LTBP1: variants seen among roughly 807,000 people sequenced by gnomAD.
LTBP1 encodes latent transforming growth factor beta binding protein 1.
LTBP1 carries 129 observed loss-of-function variants against 207.6 expected under a neutral mutation model. That is an observed-to-expected ratio of 0.62 (90% CI 0.54 to 0.72). The LOEUF is 0.72. Among genes scored for constraint, LTBP1 ranks in the 30% least tolerant of loss-of-function variants. The pLI is 0.00. For synonymous variants in LTBP1, 963 were observed against 833.7 expected, an observed-to-expected ratio of 1.16 and a Z score of -2.67; for missense variants, 2,281 against 2,217.2, an observed-to-expected ratio of 1.03 and a Z score of -0.58.
intron 2 of LTBP1, among the ~76,000 whole-genome samples, chr2:33,000,061 T>C (rs1685870798): frequency 7.4e-6 from 1 of 134,272 alleles, no homozygotes; most frequent in Non-Finnish European, 1.6e-5. Context: ...GGAATTTGCA[T>C]TGTTAACAAG....
chr2:33,254,447 A>G (rs942856240), intron 11 of LTBP1, among the ~76,000 whole-genome samples: 37 of 152,050 alleles, frequency 2.4e-4, no homozygotes, highest in African/African-American at 8.5e-4. Context: ...AGTACTATCA[A>G]TAAATTTGAA....
chr2:33,213,394 C>G (rs2090453135), intron 7 of LTBP1, among the ~76,000 whole-genome samples: 1 of 152,138 alleles, frequency 6.6e-6, no homozygotes, highest in Admixed American at 6.5e-5. Flanking sequence ...AAAACATCAC[C>G]TCAATCTGTG....
chr2:33,073,285 T>G (rs1307397339), intron 3 of LTBP1, among the ~76,000 whole-genome samples: 3 of 135,110 alleles, frequency 2.2e-5, no homozygotes, highest in East Asian at 2.0e-4. Context: ...GTGTTTTTTT[T>G]GTTTTTGTTT....
At chr2:32,951,680 T>G (rs1279627070) in intron 2 of LTBP1, among the ~76,000 whole-genome samples, 3 of 152,236 alleles carry the variant, frequency 2.0e-5, no homozygotes, top group African/African-American at 4.8e-5. Flanking sequence ...AAATCTTGCC[T>G]TCTTTATAGG....
intron 3 of LTBP1, among the ~76,000 whole-genome samples, chr2:33,046,405 A>G (rs1201691501): frequency 1.3e-5 from 2 of 152,008 alleles, no homozygotes; most frequent in African/African-American, 4.8e-5. Flanking sequence ...TGTTTATGTG[A>G]TGGATTACGT....
intron 26 of LTBP1, among the ~76,000 whole-genome samples, chr2:33,354,523 A>G (rs916188706): frequency 6.6e-6 from 1 of 152,190 alleles, no homozygotes; most frequent in Non-Finnish European, 1.5e-5. Flanking sequence ...TCCAGCGATG[A>G]CAATGAGAAG....
intron 15 of LTBP1, among the ~76,000 whole-genome samples, chr2:33,267,014 G>T (rs2093201618): frequency 6.6e-6 from 1 of 152,240 alleles, no homozygotes; most frequent in Non-Finnish European, 1.5e-5. Context: ...AGCCTCTTTG[G>T]TGCTGTGTGG....
chr2:32,987,399 T>G (rs1683760111), intron 2 of LTBP1, among the ~76,000 whole-genome samples: 2 of 152,056 alleles, frequency 1.3e-5, no homozygotes, highest in African/African-American at 2.4e-5. Flanking sequence ...TTGAGGGGGT[T>G]GCATCAGCTG....
rs557935474 is a variant in LTBP1, at chr2:33,351,491, A to G, written c.4000+3981A>G. ...ATAGAAAATTGGCAAATACAAAGGT[A>G]AATTTTTAAAAAGTCTCCTGCAGTA... On this transcript the variant is annotated intron_variant, in intron 26 of 33. Transcript: ENST00000404816. 3.2e-3 allele frequency among the ~76,000 whole-genome samples: 480 copies of G among 152,350 alleles called. 3 individuals carry two copies. Among genetic ancestry groups the G allele is most frequent in the African/African-American group, 0.011 (461 of 41,578 alleles).
Position 33,273,678 on chromosome 2 carries a change from C to T in LTBP1, c.2640C>T (p.Asn880=), listed in dbSNP as rs754157540. 5 of 1,608,178 alleles carry T rather than the reference C, an allele frequency of 3.1e-6. No individual in the cohort carries two copies. Among genetic ancestry groups the T allele is most frequent in the African/African-American group, 1.3e-5 (1 of 74,626 alleles). ...AAGAAATCAATGAATGTACTGTGAA[C>T]CCTGATATCTGTGGAGCAGGACACT... ...QVTEINECTV[N]PDICGAGHCI... is the part of the protein sequence containing the mutation. Residue 880 remains asparagine, a synonymous_variant, in exon 16 of 34, where the codon AAC becomes AAT. Transcript: ENST00000404816.
intron 3 of LTBP1, among the ~76,000 whole-genome samples, chr2:33,065,478 C>A (rs912775846): frequency 3.9e-5 from 6 of 152,018 alleles, no homozygotes; most frequent in Non-Finnish European, 5.9e-5. Flanking sequence ...TACTTGAGCT[C>A]AGGAGTTTGA....
intron 3 of LTBP1, among the ~76,000 whole-genome samples, chr2:33,021,880 T>C (rs1260217113): frequency 6.6e-6 from 1 of 152,184 alleles, no homozygotes; most frequent in African/African-American, 2.4e-5. Context: ...CTGAGTTGCA[T>C]TACAAGCAGC....
chr2:33,179,219 C>G (rs2086377457), intron 5 of LTBP1, among the ~76,000 whole-genome samples: 1 of 152,044 alleles, frequency 6.6e-6, no homozygotes, highest in African/African-American at 2.4e-5. Flanking sequence ...AGCTCATCAG[C>G]TATCATAAGT....
chr2:33,037,503 C>T (rs920043450), intron 3 of LTBP1, among the ~76,000 whole-genome samples: 1 of 152,016 alleles, frequency 6.6e-6, no homozygotes, highest in Non-Finnish European at 1.5e-5. Context: ...TGTATGTTGT[C>T]TTATTATTTA....
At chr2:33,375,289 A>G (rs1258970936) in intron 31 of LTBP1, among the ~76,000 whole-genome samples, 1 of 152,216 alleles carries the variant, frequency 6.6e-6, no homozygotes, top group Non-Finnish European at 1.5e-5. Flanking sequence ...CTAGGAAATG[A>G]GTCAACGTTC....
intron 21 of LTBP1, 42 bp from the exon 22 acceptor site, chr2:33,301,476 TTTGA>T: frequency 6.6e-7 from 1 of 1,525,178 alleles, no homozygotes; most frequent in Non-Finnish European, 8.8e-7. Flanking sequence ...TGAAAATGTT[TTTGA>T]AGCACCACTT....
Position 33,397,291 on chromosome 2 carries a change from G to A in LTBP1, c.4984+9G>A, listed in dbSNP as rs1400604549. ...CAAGATGACCTGTGTCGGTAAGAATGACGTGTGTTTTATGGGACATTAATT... is the reference window on the plus strand; with the variant it reads ...CAAGATGACCTGTGTCGGTAAGAATAACGTGTGTTTTATGGGACATTAATT... On this transcript the variant is annotated intron_variant, in intron 33 of 33. Coordinates refer to ENST00000404816, the MANE Select transcript of LTBP1 (RefSeq NM_206943.4). 3 of 1,613,924 alleles carry A rather than the reference G, an allele frequency of 1.9e-6. No homozygotes were observed. The Admixed American group carries it at 5.0e-5, about 27-fold the overall frequency.
chr2:33,258,962 G>A (rs1403410957), intron 12 of LTBP1, among the ~76,000 whole-genome samples: 1 of 152,142 alleles, frequency 6.6e-6, no homozygotes, highest in Non-Finnish European at 1.5e-5. Flanking sequence ...TCACAATAAC[G>A]TTTATGATTG....
At chr2:33,159,845 C>T (rs1208916155) in intron 5 of LTBP1, among the ~76,000 whole-genome samples, 2 of 152,066 alleles carry the variant, frequency 1.3e-5, no homozygotes, top group African/African-American at 2.4e-5. Flanking sequence ...TTTCCATGTA[C>T]CGATTAGAAA....
Sources: gnomAD v4.1 joint callset for allele counts (sites outside exome capture counted in the v4.1 genomes callset) on GRCh38, gnomAD v4.1.1 for gene constraint, MANE v1.5 for transcripts, NCBI Gene and HGNC (gene_info 2026-07-23, HGNC 2026-07-21) for gene names.